The following SYT9 variants were observed in gnomAD, a reference collection of about 807,000 sequenced individuals.
SYT9 encodes the protein synaptotagmin-9.
In SYT9, 22 loss-of-function variants were observed where a neutral mutation model predicts 48.4. The observed-to-expected ratio is 0.45, with a 90% CI of 0.32 to 0.65. SYT9 has a LOEUF of 0.65. Among genes scored for constraint, SYT9 ranks in the 30% least tolerant of loss-of-function variants. The pLI, the probability that SYT9 is intolerant of heterozygous loss-of-function variation, is 0.03. For synonymous variants in SYT9, 265 were observed against 245.0 expected (o/e 1.08, Z -0.76); for missense variants, 577 against 622.0 (o/e 0.93, Z 0.77).
At chr11:7,464,680 T>C (rs940793505) in intron 6 of SYT9, among the ~76,000 whole-genome samples, 3 of 152,166 alleles carry the variant, frequency 2.0e-5, no homozygotes, top group African/African-American at 7.2e-5. Flanking sequence ...ATTTGCTTTC[T>C]CTGATGGGAA....
intron 3 of SYT9, among the ~76,000 whole-genome samples, chr11:7,384,046 C>A (rs1850612188): frequency 7.3e-6 from 1 of 137,422 alleles, no homozygotes; most frequent in Non-Finnish European, 1.6e-5. Context: ...GAAGATTTAG[C>A]TCTTAAATTC....
At chr11:7,367,766 A>G (rs932096230) in intron 3 of SYT9, among the ~76,000 whole-genome samples, 7 of 138,182 alleles carry the variant, frequency 5.1e-5, no homozygotes, top group Admixed American at 2.9e-4. Context: ...TTTCCACTGG[A>G]ATTTCTGCAT....
At chr11:7,452,865 C>T (rs1469111779) in intron 6 of SYT9, among the ~76,000 whole-genome samples, 3 of 152,084 alleles carry the variant, frequency 2.0e-5, no homozygotes, top group African/African-American at 4.8e-5. Flanking sequence ...TCACCACAAC[C>T]TCCGCCTCCT....
intron 6 of SYT9, among the ~76,000 whole-genome samples, chr11:7,453,109 G>A (rs1010353674): frequency 1.3e-5 from 2 of 151,814 alleles, no homozygotes; most frequent in African/African-American, 4.8e-5. Context: ...AATAAAATGA[G>A]GCCGGGCACC....
chr11:7,242,548 G>A (rs1026779682), intron 1 of SYT9, among the ~76,000 whole-genome samples: 2 of 152,126 alleles, frequency 1.3e-5, no homozygotes, highest in Non-Finnish European at 2.9e-5. Context: ...CATAGCATGA[G>A]TTCAAAAAAC....
At chr11:7,408,430 T>A (rs2134086062) in intron 3 of SYT9, among the ~76,000 whole-genome samples, 1 of 152,320 alleles carries the variant, frequency 6.6e-6, no homozygotes, top group South Asian at 2.1e-4. Context: ...GCCCAGCCAG[T>A]AGTATGGTCA....
At chr11:7,302,613 C>T (rs1848943468) in intron 1 of SYT9, among the ~76,000 whole-genome samples, 1 of 152,178 alleles carries the variant, frequency 6.6e-6, no homozygotes, top group South Asian at 2.1e-4. Flanking sequence ...TACACAATTC[C>T]CCAATTATAT....
intron 3 of SYT9, among the ~76,000 whole-genome samples, chr11:7,414,583 A>G (rs976123665): frequency 2.7e-4 from 41 of 151,990 alleles, no homozygotes; most frequent in Admixed American, 1.9e-3. Flanking sequence ...CATATCTCCC[A>G]AAAGGGGAAT....
chr11:7,356,535 C>T (rs1476854347), intron 3 of SYT9, among the ~76,000 whole-genome samples: 4 of 152,164 alleles, frequency 2.6e-5, no homozygotes, highest in Non-Finnish European at 5.9e-5. Context: ...AGAAGACACC[C>T]TGCTGCACAT....
intron 3 of SYT9, among the ~76,000 whole-genome samples, chr11:7,360,514 C>T (rs894790367): frequency 2.8e-4 from 42 of 152,082 alleles, no homozygotes; most frequent in Non-Finnish European, 4.7e-4. Flanking sequence ...TGTTTGTATC[C>T]TCTTTAATTT....
chr11:7,373,523 T>C (rs1476433764), intron 3 of SYT9, among the ~76,000 whole-genome samples: 2 of 152,134 alleles, frequency 1.3e-5, no homozygotes, highest in Non-Finnish European at 2.9e-5. Context: ...AAGCATAGGC[T>C]TTGTCTCTGT....
chr11:7,374,837 T>C (rs1464775664), intron 3 of SYT9, among the ~76,000 whole-genome samples: 2 of 152,194 alleles, frequency 1.3e-5, no homozygotes, highest in Non-Finnish European at 2.9e-5. Flanking sequence ...GTCAGATGGA[T>C]AGATTGCAAA....
intron 3 of SYT9, among the ~76,000 whole-genome samples, chr11:7,373,908 T>A (rs979626783): frequency 2.0e-5 from 3 of 152,208 alleles, no homozygotes; most frequent in Non-Finnish European, 4.4e-5. Context: ...TTTTCTAGAT[T>A]GTCCTAGAGA....
chr11:7,298,515 T>C (rs898480573), intron 1 of SYT9, among the ~76,000 whole-genome samples: 3 of 152,186 alleles, frequency 2.0e-5, no homozygotes, highest in African/African-American at 7.2e-5. Context: ...CTTCCATGGT[T>C]TTTCTTTTTT....
intron 3 of SYT9, among the ~76,000 whole-genome samples, chr11:7,388,695 A>G (rs892974110): frequency 6.6e-6 from 1 of 152,158 alleles, no homozygotes; most frequent in Non-Finnish European, 1.5e-5. Context: ...AGTCCAATGT[A>G]TATCTGTTTT....
intron 3 of SYT9, among the ~76,000 whole-genome samples, chr11:7,335,762 G>T (rs1849620797): frequency 6.6e-6 from 1 of 152,074 alleles, no homozygotes; most frequent in Non-Finnish European, 1.5e-5. Context: ...TGGGCATTTA[G>T]GTTGATTCCA....
intron 1 of SYT9, among the ~76,000 whole-genome samples, chr11:7,244,324 A>G (rs938040379): frequency 6.6e-6 from 1 of 152,236 alleles, no homozygotes; most frequent in Non-Finnish European, 1.5e-5. Flanking sequence ...AACAACTGCT[A>G]CTGGAATAAT....
At chr11:7,397,749 C>A (rs752569810) in intron 3 of SYT9, among the ~76,000 whole-genome samples, 2 of 152,096 alleles carry the variant, frequency 1.3e-5, no homozygotes, top group Non-Finnish European at 2.9e-5. Flanking sequence ...GTTAAATGCA[C>A]CCCTAACTAT....
chr11:7,432,623 A>G, intron 6 of SYT9, among the ~76,000 whole-genome samples: 1 of 45,572 alleles, frequency 2.2e-5, no homozygotes, highest in African/African-American at 7.1e-5. Context: ...ATATATATAT[A>G]TATATATATA....
Sources: gnomAD v4.1 joint callset for allele counts (sites outside exome capture counted in the v4.1 genomes callset) on GRCh38, gnomAD v4.1.1 for gene constraint, MANE v1.5 for transcripts, NCBI Gene and HGNC (gene_info 2026-07-23, HGNC 2026-07-21) for gene names.